The following PDLIM3 variants were observed in gnomAD, a reference collection of about 807,000 sequenced individuals.
PDLIM3 encodes the protein PDZ and LIM domain 3.
In PDLIM3, 36 loss-of-function variants were observed where a neutral mutation model predicts 37.3. That is an observed-to-expected ratio of 0.97 (90% CI 0.74 to 1.28). PDLIM3 has a LOEUF of 1.28. Ranked by LOEUF, PDLIM3 falls within the 50% of genes most tolerant of loss-of-function variation. The pLI is 0.00. For synonymous variants in PDLIM3, 174 were observed against 182.4 expected, an observed-to-expected ratio of 0.95 and a Z score of 0.37; for missense variants, 454 against 485.0, an observed-to-expected ratio of 0.94 and a Z score of 0.60.
intron 1 of PDLIM3, among the ~76,000 whole-genome samples, chr4:185,525,997 C>A (rs115551746): frequency 0.011 from 1,679 of 152,274 alleles, 28 homozygotes; most frequent in African/African-American, 0.039. Flanking sequence ...AGATAATACA[C>A]AAAATTATAA....
chr4:185,530,105 C>T (rs537146371), intron 1 of PDLIM3, among the ~76,000 whole-genome samples: 13 of 152,270 alleles, frequency 8.5e-5, no homozygotes, highest in South Asian at 8.3e-4. Context: ...CTTTCACATA[C>T]GAGACATTCT....
chr4:185,511,648 G>A (rs997020811), intron 4 of PDLIM3, among the ~76,000 whole-genome samples: 3 of 152,016 alleles, frequency 2.0e-5, no homozygotes, highest in East Asian at 1.9e-4. Context: ...AGTGTGAGCC[G>A]CCATGTCCAG....
At position 185,506,564 on chromosome 4, in the gene PDLIM3, C is replaced by T. The variant is rs1482521322; in HGVS notation, c.751G>A (p.Gly251Ser). The T allele has an allele frequency of 1.9e-6, 3 of 1,613,536 alleles. No individual in the cohort carries two copies. The highest frequency in any genetic ancestry group is 1.7e-6 in the Non-Finnish European group (2 of 1,180,026). Residue 251 changes from glycine (G) to serine (S), a missense_variant, in exon 6 of 8, where the codon GGC becomes AGC. By Grantham distance (56) the Gly-to-Ser change is moderately conservative. Coordinates refer to ENST00000284767, the MANE Select transcript of PDLIM3 (RefSeq NM_014476.6). The stretch of plus-strand genomic sequence containing the variant: ...ATTCCCTGGAGCACTCTGAAGGAGC[C>T]CGACTGGCGAGGCTGTGTGGGCTCA... ...RNEPTQPRQS[G>S]SFRVLQGMVD...
rs770412994 is a variant in PDLIM3 at position 185,530,612 on chromosome 4, T to A, written c.93+4730A>T. Among the ~76,000 whole-genome samples, 65 of 152,322 alleles carry A rather than the reference T, an allele frequency of 4.3e-4. 1 individual carries two copies. Among genetic ancestry groups the A allele is most frequent in the Non-Finnish European group, 8.2e-4 (56 of 68,026 alleles). ...ACTAGCCTCCCCTTATTCACGGTTT[T>A]ATTTTCTGCAGTTTCAGTTATCCGA... On this transcript the variant is annotated intron_variant, in intron 1 of 7. Transcript: ENST00000284767.
Position 185,508,408 on chromosome 4 carries a change from T to C in PDLIM3, c.553A>G (p.Ile185Val). Residue 185 changes from isoleucine to valine, a missense_variant, in exon 5 of 8, where the codon ATT (isoleucine) becomes GTT (valine). By Grantham distance (29) the Ile-to-Val change is conservative (BLOSUM62 3). Transcript: ENST00000284767. ...PLEMELPGVK[I>V]VHAQFNTPMQ... The stretch of plus-strand genomic sequence containing the variant: ...GGTGTATTAAACTGAGCATGTACAA[T>C]CTTCACACCAGGAAGTTCCATTTCC... The C allele has an allele frequency of 6.2e-7, 1 of 1,614,166 alleles. No homozygotes were observed. Among genetic ancestry groups the C allele is most frequent in the South Asian group, 1.1e-5 (1 of 91,080 alleles).
intron 4 of PDLIM3, among the ~76,000 whole-genome samples, chr4:185,510,784 C>A (rs996380101): frequency 6.6e-6 from 1 of 152,146 alleles, no homozygotes; most frequent in African/African-American, 2.4e-5. Flanking sequence ...ATCAATCAGG[C>A]CCATGTCTAT....
chr4:185,517,606 G>T (rs145337613), intron 3 of PDLIM3: 1 of 151,472 alleles, frequency 6.6e-6, no homozygotes, highest in African/African-American at 2.4e-5. Flanking sequence ...AAGTTAATCA[G>T]CTCCAAGCAA....
At chr4:185,518,638 CAAAT>C (rs1213902129) in intron 3 of PDLIM3, among the ~76,000 whole-genome samples, 1 of 152,098 alleles carries the variant, frequency 6.6e-6, no homozygotes, top group African/African-American at 2.4e-5. Flanking sequence ...ACTCACCCCT[CAAAT>C]AAACAGTAAA....
At chr4:185,515,013 A>G (rs190968624) in intron 3 of PDLIM3, 5 of 734,608 alleles carry the variant, frequency 6.8e-6, no homozygotes, top group Non-Finnish European at 8.5e-6. Flanking sequence ...TGACGGAAAG[A>G]TTAGAGGAGG....
At chr4:185,535,230 G>C in intron 1 of PDLIM3, 112 bp downstream of exon 1, 1 of 945,734 alleles carries the variant, frequency 1.1e-6, no homozygotes, top group Non-Finnish European at 1.6e-6. Context: ...CGCCCCGTCC[G>C]CCCGCCCTCG....
In PDLIM3 at chr4:185,514,368, A is replaced by G; in HGVS notation, c.331-31T>C. On this transcript the variant is annotated intron_variant, in intron 3 of 7. Transcript: ENST00000284767. This position sits in a 1 kb window ranked among gnomAD's most constrained non-coding sequence, Gnocchi z 4.0. ...AAAACAAAGCGTTAAAAAGGCCCTC[A>G]GTGGAAGGCGGACACTGTTGCAGAT... is the stretch of plus-strand genomic sequence containing the variant. 3 of 1,614,216 alleles carry G rather than the reference A, an allele frequency of 1.9e-6. No individual in the cohort carries two copies. Among genetic ancestry groups the G allele is most frequent in the Admixed American group, 1.7e-5 (1 of 60,028 alleles).
At chr4:185,519,411 C>T (rs1695302920) in intron 3 of PDLIM3, among the ~76,000 whole-genome samples, 1 of 152,098 alleles carries the variant, frequency 6.6e-6, no homozygotes, top group Admixed American at 6.5e-5. Flanking sequence ...TCAGCCTCCC[C>T]AGTAGCTGGG....
chr4:185,502,950 G>A (rs573974305), intron 7 of PDLIM3, among the ~76,000 whole-genome samples: 11 of 152,264 alleles, frequency 7.2e-5, no homozygotes, highest in Non-Finnish European at 1.2e-4. Context: ...AAAGACGACC[G>A]GGCGTGGTGG....
At chr4:185,532,881 G>T (rs1367939146) in intron 1 of PDLIM3, among the ~76,000 whole-genome samples, 2 of 152,200 alleles carry the variant, frequency 1.3e-5, no homozygotes, top group African/African-American at 4.8e-5. Flanking sequence ...AGAAAAAATG[G>T]AAAGTGGCAG....
intron 1 of PDLIM3, among the ~76,000 whole-genome samples, chr4:185,529,501 A>G (rs1246723746): frequency 1.3e-5 from 2 of 152,224 alleles, no homozygotes; most frequent in African/African-American, 2.4e-5. Context: ...ACGGACCAAA[A>G]TCATGAGAAA....
At chr4:185,523,255 AT>A (rs2095725732) in intron 3 of PDLIM3, 106 bp downstream of exon 3, 1 of 728,074 alleles carries the variant, frequency 1.4e-6, no homozygotes, top group Non-Finnish European at 2.5e-6. Context: ...CAACAGCTTC[AT>A]AGGTGGCTTG....
At chr4:185,512,692 G>A in intron 4 of PDLIM3, 2 of 985,318 alleles carry the variant, frequency 2.0e-6, no homozygotes, top group Non-Finnish European at 2.4e-6. Context: ...AAGCCCCAGA[G>A]CTTGTGTGGG....
At chr4:185,512,830 GGGGTT>G in intron 4 of PDLIM3, 1 of 984,832 alleles carries the variant, frequency 1.0e-6, no homozygotes, top group Non-Finnish European at 1.2e-6. Flanking sequence ...TTTTGTTATT[GGGGTT>G]GGGTTGGGGT....
chr4:185,518,055 T>G (rs2095717533), intron 3 of PDLIM3, among the ~76,000 whole-genome samples: 1 of 152,228 alleles, frequency 6.6e-6, no homozygotes, highest in South Asian at 2.1e-4. Flanking sequence ...TTGTGTTTAT[T>G]CTATCTAGAA....
Sources: allele counts gnomAD v4.1 joint callset (sites outside exome capture counted in the v4.1 genomes callset), GRCh38; gene constraint gnomAD v4.1.1; non-coding constraint Gnocchi (gnomAD v3.1); transcripts MANE v1.5; gene names NCBI Gene and HGNC (gene_info 2026-07-23, HGNC 2026-07-21).